Variants in CNOT7 observed in about 807,000 individuals in gnomAD.
The protein encoded by CNOT7 is CCR4-NOT transcription complex subunit 7.
A neutral mutation model predicts 37.1 loss-of-function variants in CNOT7; 4 were observed. The ratio of observed to expected loss-of-function variants is 0.11; its 90% CI spans 0.05 to 0.25. The LOEUF is 0.25. CNOT7 is among the 10% of genes least tolerant of loss of function. CNOT7 has a pLI of 1.00. For missense variants in CNOT7, 170 were observed against 336.2 expected (o/e 0.51, Z 3.87); for synonymous variants, 128 against 115.6 (o/e 1.11, Z -0.69).
chr8:17,231,182 T>TG (rs1305364440), intron 6 of CNOT7, among the ~76,000 whole-genome samples: 2 of 151,910 alleles, frequency 1.3e-5, no homozygotes, highest in Non-Finnish European at 2.9e-5. Context: ...CCAATGATGG[T>TG]GGGGGAAAAA....
Position 17,243,057 on chromosome 8 carries a change from C to A in CNOT7, c.246G>T (p.Met82Ile). ...LKIIQLGLTF[M>I]NEQGEYPPGT... ...CTGGAGGGTATTCTCCTTGCTCATT[C>A]ATAAATGTCAGTCCTAGCTGAATTA... Residue 82 changes from methionine (M) to isoleucine (I), a missense_variant, in exon 3 of 7, where the codon ATG (methionine) becomes ATT (isoleucine). By Grantham distance (10) the Met-to-Ile change is conservative (BLOSUM62 1). Coordinates refer to ENST00000361272, the MANE Select transcript of CNOT7 (RefSeq NM_013354.7). 6.2e-7 allele frequency: 1 copy of A among 1,608,906 alleles called. No individual in the cohort carries two copies. The highest frequency in any genetic ancestry group is 8.5e-7 in the Non-Finnish European group (1 of 1,178,412).
At chr8:17,237,752 A>T (rs1585811740) in intron 3 of CNOT7, among the ~76,000 whole-genome samples, 1 of 152,336 alleles carries the variant, frequency 6.6e-6, no homozygotes, top group East Asian at 1.9e-4. Context: ...CAGCCACTGT[A>T]ATGCTCCCAG....
chr8:17,231,699 C>T (rs1808638214), intron 6 of CNOT7: 2 of 985,194 alleles, frequency 2.0e-6, no homozygotes, highest in African/African-American at 1.7e-5. Context: ...TCCTGTTTAC[C>T]TATAGCTAGG....
At chr8:17,244,782 T>C (rs1433649572) in intron 2 of CNOT7, 2 of 377,256 alleles carry the variant, frequency 5.3e-6, no homozygotes, top group East Asian at 1.1e-4. Context: ...AAATCCTTCC[T>C]AACTCTTATT....
At chr8:17,243,492 T>C in intron 2 of CNOT7, 1 of 514,948 alleles carries the variant, frequency 1.9e-6, no homozygotes. Context: ...TCCCAAAGGA[T>C]ACATGAAATG....
At chr8:17,243,268 A>C in intron 2 of CNOT7, 83 bp from the exon 3 acceptor site, 1 of 992,108 alleles carries the variant, frequency 1.0e-6, no homozygotes. Flanking sequence ...TGCAAATCAA[A>C]GAATCCTACA....
At chr8:17,236,755 G>A (rs1043966736) in intron 4 of CNOT7, among the ~76,000 whole-genome samples, 4 of 152,100 alleles carry the variant, frequency 2.6e-5, no homozygotes, top group Non-Finnish European at 5.9e-5. Context: ...AACTCCATGA[G>A]GAAAATAATT....
rs1808274643 is a variant in CNOT7 at position 17,228,077 on chromosome 8, A to C, written c.*2643T>G. The C allele has an allele frequency of 6.6e-6, 1 of 151,938 alleles. No homozygotes were observed. The highest frequency in any genetic ancestry group is 2.4e-5 in the African/African-American group (1 of 41,438). The allele number at this position is 151,938 out of a possible 1,614,324, so 9.4% of individuals were successfully genotyped here. The stretch of plus-strand genomic sequence containing the variant: ...GCTGCATTCCAATAAAAACTTATAG[A>C]CACTAAAATTTGAATTTCATGTAAT... On this transcript the variant is annotated 3_prime_UTR_variant, in exon 7 of 7. Transcript: ENST00000361272.
In CNOT7 at chr8:17,237,312, T is replaced by G; in HGVS notation, c.373A>C (p.Lys125Gln). ...GTTTCAATTCCTTCCTCCTCATGTT[T>G]TTTAAACTGGATACCAGATGTTGTT... ...LLTTSGIQFK[K>Q]HEEEGIETQY... Residue 125 changes from lysine (K) to glutamine (Q), a missense_variant, in exon 4 of 7, where the codon AAA becomes CAA. Transcript: ENST00000361272. The G allele has an allele frequency of 6.2e-7, 1 of 1,614,130 alleles. No individual in the cohort carries two copies. Among genetic ancestry groups the G allele is most frequent in the Non-Finnish European group, 8.5e-7 (1 of 1,179,984 alleles).
intron 3 of CNOT7, chr8:17,242,529 T>A (rs1810324478): frequency 6.5e-6 from 1 of 153,016 alleles, no homozygotes; most frequent in Non-Finnish European, 1.5e-5. Context: ...AGTGGCAACC[T>A]AATGATAATA....
intron 3 of CNOT7, 171 bp downstream of exon 3, chr8:17,242,821 T>C (rs1310137276): frequency 2.3e-6 from 1 of 441,184 alleles, no homozygotes; most frequent in African/African-American, 2.1e-5. Context: ...AGTATTTTTT[T>C]TGGTCCCATA....
At chr8:17,242,830 T>C (rs1030954196) in intron 3 of CNOT7, 162 bp downstream of exon 3, 16 of 455,726 alleles carry the variant, frequency 3.5e-5, no homozygotes, top group African/African-American at 6.1e-5. Flanking sequence ...TTTGGTCCCA[T>C]AGTAAAAAAG....
intron 5 of CNOT7, among the ~76,000 whole-genome samples, chr8:17,234,256 A>G (rs1809032957): frequency 6.6e-6 from 1 of 152,174 alleles, no homozygotes; most frequent in Admixed American, 6.5e-5. Flanking sequence ...TGACAAAATA[A>G]TTTCTAGCCA....
At position 17,231,140 on chromosome 8, in the gene CNOT7, A is replaced by C. The variant is rs117919597; in HGVS notation, c.730-292T>G. ...TTCATCATGGAAAAATAACTATTCC[A>C]TTAATTTAACAATACTCAAGAATGA... On this transcript the variant is annotated intron_variant, in intron 6 of 6. Transcript: ENST00000361272. Among the ~76,000 whole-genome samples, 981 of 152,272 alleles carry C rather than the reference A, an allele frequency of 6.4e-3. 6 individuals carry two copies. The highest frequency in any genetic ancestry group is 8.6e-3 in the Non-Finnish European group (586 of 67,968).
At chr8:17,234,301 A>G (rs1023245172) in intron 5 of CNOT7, among the ~76,000 whole-genome samples, 2 of 152,220 alleles carry the variant, frequency 1.3e-5, no homozygotes, top group African/African-American at 2.4e-5. Context: ...CTTTTGCCAC[A>G]CTACTAAATA....
chr8:17,244,930 G>A, intron 2 of CNOT7, 106 bp downstream of exon 2: 4 of 931,074 alleles, frequency 4.3e-6, no homozygotes, highest in Non-Finnish European at 6.5e-6. Flanking sequence ...TTTTCATGGT[G>A]AAATTAATCC....
chr8:17,230,523 T>G lies in CNOT7; in HGVS notation c.*197A>C. On this transcript the variant is annotated 3_prime_UTR_variant, in exon 7 of 7. Transcript: ENST00000361272. Reference sequence around the variant, plus strand: ...TATTAAATTAAGGCCAAATTTAACCTGAATGCGTTTTTTTTTTTCTTTTTA... The same window carrying G: ...TATTAAATTAAGGCCAAATTTAACCGGAATGCGTTTTTTTTTTTCTTTTTA... 1 of 369,244 alleles carries G rather than the reference T, an allele frequency of 2.7e-6. No individual in the cohort carries two copies. The highest frequency in any genetic ancestry group is 4.8e-6 in the Non-Finnish European group (1 of 206,278). The allele number at this position is 369,244 out of a possible 1,614,324, so 22.9% of individuals were successfully genotyped here.
At chr8:17,233,951 G>C (rs1381185507) in intron 5 of CNOT7, among the ~76,000 whole-genome samples, 3 of 152,190 alleles carry the variant, frequency 2.0e-5, no homozygotes, top group Admixed American at 2.0e-4. Flanking sequence ...CTACACAGGA[G>C]GCTGAGGCAG....
At position 17,228,731 on chromosome 8, in the gene CNOT7, T is replaced by G. The variant is rs1240799110; in HGVS notation, c.*1989A>C. The G allele has an allele frequency of 6.6e-6, 1 of 151,968 alleles. No homozygotes were observed. Among genetic ancestry groups the G allele is most frequent in the African/African-American group, 2.4e-5 (1 of 41,448 alleles). 9.4% of individuals were successfully genotyped at this position (151,968 alleles called of 1,614,324 possible). A position where few individuals can be genotyped will look rare whatever the true frequency, so the allele number is the denominator to read the frequency against. ...CCAGAAATGATACAAGTTATGAGAT[T>G]GAGCAACTATGTGGCTAATAAAAAG... On this transcript the variant is annotated 3_prime_UTR_variant, in exon 7 of 7. Transcript: ENST00000361272.
Sources: gnomAD v4.1 joint callset for allele counts (sites outside exome capture counted in the v4.1 genomes callset) on GRCh38, gnomAD v4.1.1 for gene constraint, MANE v1.5 for transcripts, NCBI Gene and HGNC (gene_info 2026-07-23, HGNC 2026-07-21) for gene names.